The following GRM7 variants were observed in gnomAD, a reference collection of about 807,000 sequenced individuals.
The protein encoded by GRM7 is glutamate metabotropic receptor 7.
In GRM7, 35 loss-of-function variants were observed where a neutral mutation model predicts 84.5. The observed-to-expected ratio is 0.41, with a 90% CI of 0.32 to 0.55. The LOEUF is 0.55. Ranked by LOEUF, GRM7 falls within the 20% of genes least tolerant of loss-of-function variation. GRM7 has a pLI of 0.19. For missense variants in GRM7, 1,003 were observed against 1,194.6 expected (o/e 0.84, Z 2.36); for synonymous variants, 487 against 455.1 (o/e 1.07, Z -0.89).
intron 8 of GRM7, among the ~76,000 whole-genome samples, chr3:7,653,140 G>A (rs1195062265): frequency 9.0e-6 from 1 of 111,540 alleles, no homozygotes; most frequent in Non-Finnish European, 1.8e-5. Flanking sequence ...CCTGCTTTGT[G>A]TTATATTCTA....
chr3:7,672,474 C>T (rs1394498254), intron 8 of GRM7, among the ~76,000 whole-genome samples: 1 of 152,190 alleles, frequency 6.6e-6, no homozygotes, highest in Admixed American at 6.5e-5. Flanking sequence ...TGAAACTTCT[C>T]TGATCCCATC....
intron 8 of GRM7, among the ~76,000 whole-genome samples, chr3:7,665,104 G>A (rs952860840): frequency 6.6e-5 from 10 of 151,648 alleles, no homozygotes; most frequent in Non-Finnish European, 1.2e-4. Flanking sequence ...TTGACAAAAG[G>A]TTGTATTTGG....
intron 2 of GRM7, among the ~76,000 whole-genome samples, chr3:7,253,572 G>C (rs1698085213): frequency 6.8e-6 from 1 of 146,656 alleles, no homozygotes; most frequent in South Asian, 2.1e-4. Context: ...AGCCAAGATC[G>C]TGCCACTGCA....
At chr3:7,650,142 A>T (rs1384464033) in intron 8 of GRM7, among the ~76,000 whole-genome samples, 1 of 152,234 alleles carries the variant, frequency 6.6e-6, no homozygotes, top group African/African-American at 2.4e-5. Flanking sequence ...TTAAAAAATG[A>T]CTTAATGATG....
chr3:7,723,299 G>T lies in GRM7; in HGVS notation c.2699-17058G>T, dbSNP rs187116222. On this transcript the variant is annotated intron_variant, in intron 9 of 9. Transcript: ENST00000357716. ...ATCCCTTTATTGCTCCTAATGGAAG[G>T]AACTCCTGAGCTTCCTCAATCTAGT... is the stretch of plus-strand genomic sequence containing the variant. Among the ~76,000 whole-genome samples the T allele has an allele frequency of 3.3e-4, 50 of 152,108 alleles. 1 individual carries two copies. The highest frequency in any genetic ancestry group is 2.9e-3 in the Admixed American group (44 of 15,276).
At chr3:7,562,571 G>T (rs1247140564) in intron 7 of GRM7, among the ~76,000 whole-genome samples, 1 of 151,924 alleles carries the variant, frequency 6.6e-6, no homozygotes, top group Non-Finnish European at 1.5e-5. Flanking sequence ...TCTAGCCCAA[G>T]AACAAAGAAA....
At chr3:7,729,319 T>G (rs1381387782) in intron 9 of GRM7, among the ~76,000 whole-genome samples, 2 of 152,210 alleles carry the variant, frequency 1.3e-5, no homozygotes, top group Non-Finnish European at 2.9e-5. Context: ...ACGTGTCCTT[T>G]TCTCAGACTA....
chr3:7,520,162 A>C (rs539772218), intron 7 of GRM7: 14 of 152,280 alleles, frequency 9.2e-5, no homozygotes, highest in East Asian at 5.8e-4. Flanking sequence ...CATAGATCTC[A>C]CTTGTGGATA....
chr3:7,414,989 G>T (rs778300220), intron 4 of GRM7, 34 bp from the exon 5 acceptor site: 4 of 1,566,912 alleles, frequency 2.6e-6, no homozygotes. Context: ...GCAGTGCCCC[G>T]CAAGCAATGA....
At chr3:7,545,930 G>A (rs1008546788) in intron 7 of GRM7, among the ~76,000 whole-genome samples, 1 of 152,118 alleles carries the variant, frequency 6.6e-6, no homozygotes, top group African/African-American at 2.4e-5. Flanking sequence ...TCTTCTCTGA[G>A]CCTCAATTTC....
chr3:7,237,039 G>C (rs1697371898), intron 2 of GRM7, among the ~76,000 whole-genome samples: 1 of 152,124 alleles, frequency 6.6e-6, no homozygotes, highest in Admixed American at 6.6e-5. Context: ...CCGGTCATCA[G>C]TGCTTGTGTA....
At chr3:7,436,707 T>C (rs1298128218) in intron 5 of GRM7, among the ~76,000 whole-genome samples, 2 of 152,194 alleles carry the variant, frequency 1.3e-5, no homozygotes, top group Non-Finnish European at 2.9e-5. Context: ...TACAGCTACT[T>C]ATATATCTCT....
In GRM7 at chr3:7,454,020, G is replaced by A. The variant is rs983760515; in HGVS notation, c.1375+1213G>A. Among the ~76,000 whole-genome samples, 9 of 151,314 alleles carry A rather than the reference G, an allele frequency of 5.9e-5. No homozygotes were observed. The East Asian group carries it at 1.4e-3, about 23-fold the overall frequency. Reference sequence around the variant, plus strand: ...GAGAAATTGTTTTCTGAGGCCTAAAGTGCCCCAACATTATAACAAGGGCTA... The same window carrying A: ...GAGAAATTGTTTTCTGAGGCCTAAAATGCCCCAACATTATAACAAGGGCTA... On this transcript the variant is annotated intron_variant, in intron 6 of 9. Coordinates refer to ENST00000357716, the MANE Select transcript of GRM7 (RefSeq NM_000844.4).
rs1292474815 is a variant in GRM7, at chr3:6,970,197, C to T, written c.519+108290C>T. Among the ~76,000 whole-genome samples, 3 of 119,558 alleles carry T rather than the reference C, an allele frequency of 2.5e-5. No individual in the cohort carries two copies. The East Asian group carries it at 9.1e-4, about 36-fold the overall frequency. The allele number at this position is 119,558 out of a possible 152,430, so 78.4% of individuals were successfully genotyped here. ...TTCCAGTGCAAAAAGCTAGCCTCTC[C>T]TGAAAACTGCTCCAAGACTTTCCCT... On this transcript the variant is annotated intron_variant, in intron 1 of 9. Transcript: ENST00000357716.
intron 9 of GRM7, among the ~76,000 whole-genome samples, chr3:7,711,626 G>A (rs332937): frequency 0.93 from 141,488 of 152,272 alleles, 65,929 homozygotes; most frequent in South Asian, 0.98. Flanking sequence ...CCTGGAACTC[G>A]GACGGCACCA....
intron 3 of GRM7, among the ~76,000 whole-genome samples, chr3:7,305,341 TTC>T (rs1491074889): frequency 4.8e-4 from 43 of 89,244 alleles, no homozygotes; most frequent in South Asian, 9.8e-4. Context: ...TTTTTTTTTT[TTC>T]TTTTTTTTTT....
At chr3:7,397,637 T>G (rs2125152550) in intron 4 of GRM7, among the ~76,000 whole-genome samples, 1 of 152,242 alleles carries the variant, frequency 6.6e-6, no homozygotes, top group South Asian at 2.1e-4. Flanking sequence ...CATTGCACAT[T>G]GCATGCCCAT....
intron 1 of GRM7, among the ~76,000 whole-genome samples, chr3:6,911,481 A>T (rs1696767174): frequency 6.6e-6 from 1 of 152,148 alleles, no homozygotes; most frequent in Non-Finnish European, 1.5e-5. Context: ...TGTCCATCAG[A>T]GTTTTCTGTG....
At chr3:6,981,985 C>T (rs759720087) in intron 1 of GRM7, among the ~76,000 whole-genome samples, 1 of 152,146 alleles carries the variant, frequency 6.6e-6, no homozygotes, top group African/African-American at 2.4e-5. Flanking sequence ...GTTAAAAACA[C>T]ACATGCACTC....
Sources: gnomAD v4.1 joint callset for allele counts (sites outside exome capture counted in the v4.1 genomes callset) on GRCh38, gnomAD v4.1.1 for gene constraint, MANE v1.5 for transcripts, NCBI Gene and HGNC (gene_info 2026-07-23, HGNC 2026-07-21) for gene names.